The following STK38 variants were observed in gnomAD, a reference collection of about 807,000 sequenced individuals.
STK38 encodes the protein serine/threonine-protein kinase 38.
A neutral mutation model predicts 59.0 loss-of-function variants in STK38; 26 were observed. The ratio of observed to expected loss-of-function variants is 0.44; its 90% CI spans 0.32 to 0.61. The LOEUF is 0.61. Among genes scored for constraint, STK38 ranks in the 20% least tolerant of loss-of-function variants. The probability of loss-of-function intolerance (pLI) is 0.04; values close to 1 mark genes in which losing one functional copy is unlikely to be tolerated. For synonymous variants in STK38, 175 were observed against 176.6 expected, an observed-to-expected ratio of 0.99 and a Z score of 0.07; for missense variants, 433 against 566.0, an observed-to-expected ratio of 0.76 and a Z score of 2.38.
intron 9 of STK38, among the ~76,000 whole-genome samples, chr6:36,502,735 C>T (rs756084953): frequency 5.3e-5 from 8 of 152,328 alleles, no homozygotes; most frequent in Non-Finnish European, 1.0e-4. Context: ...CTCCTCGTCT[C>T]TCCTGCTTCT....
chr6:36,497,626 CA>C (rs1776736360), intron 12 of STK38, among the ~76,000 whole-genome samples, 153 bp downstream of exon 12: 1 of 152,198 alleles, frequency 6.6e-6, no homozygotes, highest in Non-Finnish European at 1.5e-5. Context: ...ATCTAATGCC[CA>C]ATCTTCACCA....
chr6:36,546,785 G>C (rs562951287), intron 1 of STK38, among the ~76,000 whole-genome samples: 18 of 152,152 alleles, frequency 1.2e-4, no homozygotes, highest in Non-Finnish European at 2.2e-4. Context: ...CGACATCTCT[G>C]CCTCAGACCA....
Position 36,503,448 on chromosome 6 carries a change from GTT to G in STK38, c.834+3133_834+3134del, listed in dbSNP as rs774541866. ...TAGCTAAGTGTGTGTGTGTGTGTGT[GTT>G]TGTGTGTGTATGATATATATTTAAA... On this transcript the variant is annotated intron_variant, in intron 9 of 13. Transcript: ENST00000229812. Among the ~76,000 whole-genome samples the G allele has an allele frequency of 7.7e-3, 1,113 of 144,046 alleles. 5 individuals carry two copies. The highest frequency in any genetic ancestry group is 0.023 in the African/African-American group (878 of 38,898). The allele number at this position is 144,046 out of a possible 152,430, so 94.5% of individuals were successfully genotyped here.
intron 2 of STK38, among the ~76,000 whole-genome samples, chr6:36,534,577 CAGG>C (rs1777741480): frequency 2.0e-5 from 3 of 151,942 alleles, no homozygotes; most frequent in Admixed American, 2.0e-4. Flanking sequence ...CACTCGAGCC[CAGG>C]AGGTCAAGGC....
chr6:36,524,262 C>T, intron 4 of STK38, 79 bp downstream of exon 4: 1 of 1,499,204 alleles, frequency 6.7e-7, no homozygotes, highest in Non-Finnish European at 8.9e-7. Context: ...GTTATATCAA[C>T]AATCATGACT....
intron 1 of STK38, among the ~76,000 whole-genome samples, chr6:36,543,591 T>C (rs1777992300): frequency 6.6e-6 from 1 of 151,988 alleles, no homozygotes; most frequent in Non-Finnish European, 1.5e-5. Flanking sequence ...CAAGACCCTG[T>C]CTCTACTACC....
In STK38 at chr6:36,515,518, C is replaced by CCACACA. The variant is rs66494457; in HGVS notation, c.515-32_515-27dup. On this transcript the variant is annotated intron_variant, in intron 6 of 13. Transcript: ENST00000229812. ...CTGGAAACAAGAAGATACAAAGCCA[C>CCACACA]CACACACACACACACACACACACAC... 4.8e-3 allele frequency: 7,379 copies of CCACACA among 1,536,516 alleles called. 60 individuals are homozygous for CCACACA. Among genetic ancestry groups the CCACACA allele is most frequent in the African/African-American group, 0.044 (3,046 of 69,188 alleles).
At chr6:36,547,011 C>A (rs967536192) in intron 1 of STK38, among the ~76,000 whole-genome samples, 179 bp downstream of exon 1, 12 of 150,258 alleles carry the variant, frequency 8.0e-5, no homozygotes, top group African/African-American at 2.2e-4. Flanking sequence ...CATCTGGAGA[C>A]GGGGGAAGAA....
intron 2 of STK38, among the ~76,000 whole-genome samples, chr6:36,537,984 T>C (rs1473749379): frequency 6.6e-6 from 1 of 152,034 alleles, no homozygotes; most frequent in Non-Finnish European, 1.5e-5. Context: ...TCCACTTGTA[T>C]GAAATAGGCA....
intron 9 of STK38, among the ~76,000 whole-genome samples, chr6:36,504,224 T>G (rs1776907277): frequency 6.6e-6 from 1 of 152,224 alleles, no homozygotes. Flanking sequence ...TGTAATTAAC[T>G]TAAAGCTGAC....
chr6:36,515,663 T>C (rs1212268585), intron 6 of STK38, among the ~76,000 whole-genome samples, 171 bp from the exon 7 acceptor site: 1 of 152,048 alleles, frequency 6.6e-6, no homozygotes, highest in Non-Finnish European at 1.5e-5. Flanking sequence ...ATGGCCAACA[T>C]GGGAAGAAAT....
At chr6:36,496,042 A>G in intron 13 of STK38, 128 bp from the exon 14 acceptor site, 2 of 972,108 alleles carry the variant, frequency 2.1e-6, no homozygotes, top group Non-Finnish European at 2.9e-6. Context: ...TCACTCTATG[A>G]ATTTTTTTTT....
intron 7 of STK38, among the ~76,000 whole-genome samples, chr6:36,509,283 C>G (rs1454931284): frequency 6.6e-6 from 1 of 152,148 alleles, no homozygotes; most frequent in Non-Finnish European, 1.5e-5. Flanking sequence ...AGCAGGTCAT[C>G]CTGACATCTG....
chr6:36,495,974 G>T lies in STK38; in HGVS notation c.1268-60C>A. 1.0e-5 allele frequency: 16 copies of T among 1,599,190 alleles called. 1 individual carries two copies. The South Asian group carries it at 1.4e-4, about 14-fold the overall frequency. Reference sequence around the variant, plus strand: ...GCCTTGCCTCCAATGGACTGCTCACGGTGCTGAAGACAGGACTATGAAGAA... The same window carrying T: ...GCCTTGCCTCCAATGGACTGCTCACTGTGCTGAAGACAGGACTATGAAGAA... On this transcript the variant is annotated intron_variant, in intron 13 of 13. Coordinates refer to ENST00000229812, the MANE Select transcript of STK38 (RefSeq NM_007271.4).
rs915187610 is a variant in STK38, at chr6:36,524,271, C to T, written c.306+70G>A. On this transcript the variant is annotated intron_variant, in intron 4 of 13. Transcript: ENST00000229812. The stretch of plus-strand genomic sequence containing the variant: ...ATATTTGTTATATCAACAATCATGA[C>T]TTAATGGTATGTTAGAAGCTTTGAA... 9 of 1,538,342 alleles carry T rather than the reference C, an allele frequency of 5.9e-6. No individual in the cohort carries two copies. In the African/African-American group the frequency reaches 1.3e-4, roughly 21 times the overall value.
rs892258747 is a variant in STK38, at chr6:36,496,924, A to G, written c.1173-119T>C. On this transcript the variant is annotated intron_variant, in intron 12 of 13. Coordinates refer to ENST00000229812, the MANE Select transcript of STK38 (RefSeq NM_007271.4). Reference sequence around the variant, plus strand: ...ATGAGAAGACTCTTCACTGGCAGGCAGCATTTATTTTCTCTGAAAAACTTA... The same window carrying G: ...ATGAGAAGACTCTTCACTGGCAGGCGGCATTTATTTTCTCTGAAAAACTTA... 12 of 648,924 alleles carry G rather than the reference A, an allele frequency of 1.8e-5. No homozygotes were observed. In the East Asian group the frequency reaches 3.7e-4, roughly 20 times the overall value. The allele number at this position is 648,924 out of a possible 1,614,324, so 40.2% of individuals were successfully genotyped here. A position where few individuals can be genotyped will look rare whatever the true frequency, so the allele number is the denominator to read the frequency against.
chr6:36,520,797 T>C (rs1424172820), intron 5 of STK38, among the ~76,000 whole-genome samples: 2 of 152,042 alleles, frequency 1.3e-5, no homozygotes, highest in Non-Finnish European at 2.9e-5. Flanking sequence ...TGAGAGAAAA[T>C]AAAAATTCCA....
At chr6:36,515,896 A>G (rs561757428) in intron 6 of STK38, among the ~76,000 whole-genome samples, 3 of 152,346 alleles carry the variant, frequency 2.0e-5, no homozygotes, top group Non-Finnish European at 4.4e-5. Context: ...TCCACATACA[A>G]TCTATGTATT....
At chr6:36,540,729 C>T (rs1320208130) in intron 1 of STK38, among the ~76,000 whole-genome samples, 1 of 151,974 alleles carries the variant, frequency 6.6e-6, no homozygotes, top group Non-Finnish European at 1.5e-5. Context: ...CAGGTTCAAT[C>T]GATTCTCCCA....
Sources: allele counts gnomAD v4.1 joint callset (sites outside exome capture counted in the v4.1 genomes callset), GRCh38; gene constraint gnomAD v4.1.1; transcripts MANE v1.5; gene names NCBI Gene and HGNC (gene_info 2026-07-23, HGNC 2026-07-21).